Variants in ZNF644 observed in about 807,000 individuals in gnomAD.
The protein encoded by ZNF644 is zinc finger motif enhancer binding protein 2.
In ZNF644, 20 loss-of-function variants were observed where a neutral mutation model predicts 108.0. The observed-to-expected ratio is 0.19, with a 90% CI of 0.13 to 0.27. The LOEUF is 0.27. Ranked by LOEUF, ZNF644 falls within the 10% of genes least tolerant of loss-of-function variation. ZNF644 has a pLI of 1.00. For synonymous variants in ZNF644, 542 were observed against 539.1 expected, an observed-to-expected ratio of 1.01 and a Z score of -0.08; for missense variants, 1,338 against 1,548.9, an observed-to-expected ratio of 0.86 and a Z score of 2.29.
rs1293035563 is a variant in ZNF644 at position 90,916,690 on chromosome 1, C to A, written c.*108G>T. ...ATGTCACTGTAATTCACTTTCCCCC[C>A]ATTTTCCTGCTTTAGTATTTATAAA... On this transcript the variant is annotated 3_prime_UTR_variant, in exon 6 of 6. Coordinates refer to ENST00000337393, the MANE Select transcript of ZNF644 (RefSeq NM_201269.3). The A allele has an allele frequency of 8.2e-7, 1 of 1,225,572 alleles. No individual in the cohort carries two copies. The highest frequency in any genetic ancestry group is 1.5e-5 in the African/African-American group (1 of 66,222). 75.9% of individuals were successfully genotyped at this position (1,225,572 alleles called of 1,614,324 possible).
rs142293430 is a variant in ZNF644, at chr1:91,019,285, A to G, written c.-18+2705T>C. On this transcript the variant is annotated intron_variant, in intron 1 of 5. Transcript: ENST00000337393. ...GCACATTCGTTTATCCAACCAAAAC[A>G]CTATTACAAAATGAAAGACACCATT... 3.4e-3 allele frequency among the ~76,000 whole-genome samples: 514 copies of G among 152,326 alleles called. 3 individuals are homozygous for G. Among genetic ancestry groups the G allele is most frequent in the South Asian group, 5.4e-3 (26 of 4,826 alleles).
At chr1:90,997,414 G>C (rs1423188595) in intron 1 of ZNF644, among the ~76,000 whole-genome samples, 1 of 151,900 alleles carries the variant, frequency 6.6e-6, no homozygotes, top group Non-Finnish European at 1.5e-5. Context: ...ATGTGACAAA[G>C]AATATAGATT....
chr1:91,010,779 C>A (rs1321903868), intron 1 of ZNF644, among the ~76,000 whole-genome samples: 3 of 152,052 alleles, frequency 2.0e-5, no homozygotes, highest in African/African-American at 7.2e-5. Flanking sequence ...TGCAACCCTA[C>A]CCCTAGTGGA....
chr1:91,020,863 T>G (rs1426266406), intron 1 of ZNF644: 1 of 152,236 alleles, frequency 6.6e-6, no homozygotes, highest in African/African-American at 2.4e-5. Flanking sequence ...CTGTTGAAAT[T>G]ATTAACAAGA....
At chr1:90,948,405 T>C (rs1652735342) in intron 2 of ZNF644, among the ~76,000 whole-genome samples, 1 of 152,200 alleles carries the variant, frequency 6.6e-6, no homozygotes, top group South Asian at 2.1e-4. Flanking sequence ...TTAAAGGGAC[T>C]CCTTACAACA....
chr1:90,973,522 G>C (rs937948710), intron 2 of ZNF644, among the ~76,000 whole-genome samples: 23 of 152,108 alleles, frequency 1.5e-4, no homozygotes, highest in African/African-American at 5.3e-4. Context: ...ACTTATAACA[G>C]TGCCTGGCAG....
chr1:91,006,707 C>T (rs1434234882), intron 1 of ZNF644, among the ~76,000 whole-genome samples: 1 of 152,124 alleles, frequency 6.6e-6, no homozygotes, highest in Non-Finnish European at 1.5e-5. Context: ...TTCAGACCTC[C>T]TGTACAGCCC....
chr1:90,947,536 A>G (rs1303452326), intron 2 of ZNF644, among the ~76,000 whole-genome samples: 2 of 152,204 alleles, frequency 1.3e-5, no homozygotes, highest in Non-Finnish European at 2.9e-5. Flanking sequence ...CACAGAAAGT[A>G]TTATGCCATA....
At chr1:90,943,475 C>A (rs1284936969) in intron 2 of ZNF644, among the ~76,000 whole-genome samples, 1 of 152,052 alleles carries the variant, frequency 6.6e-6, no homozygotes, top group Non-Finnish European at 1.5e-5. Flanking sequence ...TAAAATTGTT[C>A]TTATATTTTT....
At chr1:91,017,932 C>T (rs917205276) in intron 1 of ZNF644, among the ~76,000 whole-genome samples, 7 of 151,990 alleles carry the variant, frequency 4.6e-5, no homozygotes, top group African/African-American at 1.7e-4. Context: ...ACTGCACCCG[C>T]GCCTGGGAAA....
Position 90,915,323 on chromosome 1 carries a change from T to A in ZNF644, c.*1475A>T, listed in dbSNP as rs1053611046. 2.0e-5 allele frequency: 3 copies of A among 152,628 alleles called. No homozygotes were observed. Among genetic ancestry groups the A allele is most frequent in the African/African-American group, 7.2e-5 (3 of 41,460 alleles). The allele number at this position is 152,628 out of a possible 1,614,324, so 9.5% of individuals were successfully genotyped here. The stretch of plus-strand genomic sequence containing the variant: ...TTTTAATTTTCTTTAAACCTTTTTT[T>A]ATTTAGAGATTTTTCTGGTAAGGAG... On this transcript the variant is annotated 3_prime_UTR_variant, in exon 6 of 6. Coordinates refer to ENST00000337393, the MANE Select transcript of ZNF644 (RefSeq NM_201269.3).
At chr1:90,959,245 G>A (rs905001495) in intron 2 of ZNF644, among the ~76,000 whole-genome samples, 6 of 152,002 alleles carry the variant, frequency 3.9e-5, no homozygotes, top group South Asian at 4.2e-4. Flanking sequence ...ATAAACAAAC[G>A]AAAAAACCAA....
chr1:90,928,737 TCTGACACTTGAACTCCAAGTTCCACTC>T (rs1650372327), intron 4 of ZNF644, among the ~76,000 whole-genome samples: 1 of 152,200 alleles, frequency 6.6e-6, no homozygotes, highest in Non-Finnish European at 1.5e-5. Context: ...AACCAAATCT[TCTGACACTTGAACTCCAAGTTCCACTC>T]CTGACACTTG....
intron 1 of ZNF644, among the ~76,000 whole-genome samples, chr1:91,017,686 G>C (rs563875871): frequency 6.6e-6 from 1 of 152,218 alleles, no homozygotes; most frequent in African/African-American, 2.4e-5. Flanking sequence ...CTACTGCCAG[G>C]TGCGGTGGCT....
At chr1:90,963,240 C>A (rs1175305295) in intron 2 of ZNF644, among the ~76,000 whole-genome samples, 2 of 151,946 alleles carry the variant, frequency 1.3e-5, no homozygotes, top group Admixed American at 6.6e-5. Flanking sequence ...AAAATGGATA[C>A]CCAAACAACC....
chr1:90,925,958 T>C (rs1649983830), intron 4 of ZNF644, among the ~76,000 whole-genome samples: 1 of 152,088 alleles, frequency 6.6e-6, no homozygotes, highest in African/African-American at 2.4e-5. Flanking sequence ...CCAGCCATGA[T>C]GGGACAGGAG....
rs545882351 is a variant in ZNF644 at position 90,955,235 on chromosome 1, T to C, written c.45-13926A>G. Among the ~76,000 whole-genome samples the C allele has an allele frequency of 1.5e-4, 23 of 152,362 alleles. 1 individual carries two copies. The South Asian group carries it at 4.8e-3, about 32-fold the overall frequency. Reference sequence around the variant, plus strand: ...CATCCAGGCTTTGCTGATTCATTTATAGAGCACAGGTAGAGATTTCGTATA... The same window carrying C: ...CATCCAGGCTTTGCTGATTCATTTACAGAGCACAGGTAGAGATTTCGTATA... On this transcript the variant is annotated intron_variant, in intron 2 of 5. Coordinates refer to ENST00000337393, the MANE Select transcript of ZNF644 (RefSeq NM_201269.3).
intron 2 of ZNF644, among the ~76,000 whole-genome samples, chr1:90,979,966 C>T (rs1455528905): frequency 6.6e-6 from 1 of 152,152 alleles, no homozygotes; most frequent in African/African-American, 2.4e-5. Context: ...TCTAAAATGT[C>T]TATAATGCTG....
intron 1 of ZNF644, among the ~76,000 whole-genome samples, chr1:90,998,904 C>A (rs1473874264): frequency 6.6e-6 from 1 of 152,150 alleles, no homozygotes; most frequent in Admixed American, 6.5e-5. Flanking sequence ...GATGAATGCA[C>A]AAGCTTCAGT....
Sources: allele counts gnomAD v4.1 joint callset (sites outside exome capture counted in the v4.1 genomes callset), GRCh38; gene constraint gnomAD v4.1.1; transcripts MANE v1.5; gene names NCBI Gene and HGNC (gene_info 2026-07-23, HGNC 2026-07-21).